Variants in TERF2 observed in about 807,000 individuals in gnomAD.
The protein encoded by TERF2 is telomeric repeat-binding factor 2.
In TERF2, 16 loss-of-function variants were observed where a neutral mutation model predicts 56.1. That is an observed-to-expected ratio of 0.29 (90% CI 0.19 to 0.43). TERF2 has a LOEUF of 0.43. TERF2 is among the 20% of genes least tolerant of loss of function. TERF2 has a pLI of 1.00. For missense variants in TERF2, 547 were observed against 712.9 expected (o/e 0.77, Z 2.65); for synonymous variants, 296 against 282.1 (o/e 1.05, Z -0.50).
At position 69,372,461 on chromosome 16, in the gene TERF2, T is replaced by G. The variant is rs1463784997; in HGVS notation, c.607-106A>C. The G allele has an allele frequency of 7.7e-6, 6 of 777,224 alleles. No homozygotes were observed. The East Asian group carries it at 1.7e-4, about 22-fold the overall frequency. 48.1% of individuals were successfully genotyped at this position (777,224 alleles called of 1,614,324 possible). A position where few individuals can be genotyped will look rare whatever the true frequency, so the allele number is the denominator to read the frequency against. On this transcript the variant is annotated intron_variant, in intron 3 of 9. Transcript: ENST00000254942. ...CTCACATCATATCAAATTTCTGTAC[T>G]TAAAAACTAACAATTATAAAGCCAG...
At chr16:69,382,910 C>T (rs2014056240) in intron 3 of TERF2, among the ~76,000 whole-genome samples, 2 of 152,082 alleles carry the variant, frequency 1.3e-5, no homozygotes, top group South Asian at 4.1e-4. Flanking sequence ...ACTTGTTACA[C>T]TGCAGTAACA....
At chr16:69,370,395 C>A in intron 5 of TERF2, 88 bp downstream of exon 5, 1 of 1,513,532 alleles carries the variant, frequency 6.6e-7, no homozygotes, top group Admixed American at 2.2e-5. Flanking sequence ...GTCTTTTTCA[C>A]ACATCAACTC....
At position 69,385,383 on chromosome 16, in the gene TERF2, A is replaced by C; in HGVS notation, c.475+8T>G. On this transcript the variant is annotated splice_region_variant and intron_variant, in intron 2 of 9. Coordinates refer to ENST00000254942, the MANE Select transcript of TERF2 (RefSeq NM_005652.5). ...TAAGCCCAGAGAAGAACACAAAAATAGCCATACCTAAATTTTCCCCTTCTT... is the reference window on the plus strand; with the variant it reads ...TAAGCCCAGAGAAGAACACAAAAATCGCCATACCTAAATTTTCCCCTTCTT... 1 of 1,612,090 alleles carries C rather than the reference A, an allele frequency of 6.2e-7. No individual in the cohort carries two copies. Among genetic ancestry groups the C allele is most frequent in the African/African-American group, 1.3e-5 (1 of 74,978 alleles).
intron 3 of TERF2, among the ~76,000 whole-genome samples, chr16:69,380,854 T>A (rs1240361960): frequency 6.7e-6 from 1 of 148,878 alleles, no homozygotes; most frequent in African/African-American, 2.5e-5. Flanking sequence ...CAGGCTGGAG[T>A]GCAGTGGTGT....
chr16:69,373,266 A>G (rs545422369), intron 3 of TERF2, among the ~76,000 whole-genome samples: 3 of 152,298 alleles, frequency 2.0e-5, no homozygotes, highest in African/African-American at 7.2e-5. Context: ...TAAAAAGGGC[A>G]AAGTTCCAGG....
intron 9 of TERF2, 137 bp downstream of exon 9, chr16:69,357,381 T>G: frequency 2.8e-6 from 2 of 721,234 alleles, no homozygotes; most frequent in Non-Finnish European, 4.7e-6. Context: ...TTACTTTAAC[T>G]TAGTTTGGAT....
intron 7 of TERF2, among the ~76,000 whole-genome samples, chr16:69,362,654 A>T (rs2013188846): frequency 6.6e-6 from 1 of 152,172 alleles, no homozygotes; most frequent in African/African-American, 2.4e-5. Flanking sequence ...GCTGAAAATA[A>T]CCCCAAACTC....
intron 5 of TERF2, chr16:69,370,187 C>T (rs539555791): frequency 3.2e-5 from 12 of 378,390 alleles, no homozygotes; most frequent in East Asian, 1.2e-4. Context: ...CCTGCCACCA[C>T]GCCCAGCTAA....
At chr16:69,381,492 T>TC (rs1445288101) in intron 3 of TERF2, among the ~76,000 whole-genome samples, 1 of 151,882 alleles carries the variant, frequency 6.6e-6, no homozygotes, top group Non-Finnish European at 1.5e-5. Context: ...TTTTTTTTTT[T>TC]CTTTTTTGAC....
chr16:69,358,174 G>C (rs2012990694), intron 8 of TERF2, among the ~76,000 whole-genome samples: 1 of 152,110 alleles, frequency 6.6e-6, no homozygotes, highest in African/African-American at 2.4e-5. Flanking sequence ...CACTACGCCC[G>C]GCTAATTTTT....
intron 3 of TERF2, among the ~76,000 whole-genome samples, chr16:69,373,040 A>C (rs993358427): frequency 3.3e-5 from 5 of 152,052 alleles, no homozygotes; most frequent in Non-Finnish European, 5.9e-5. Context: ...TTAAAGCAAG[A>C]GGGGGATGAG....
chr16:69,364,271 T>C (rs116492489), intron 7 of TERF2, among the ~76,000 whole-genome samples: 1,641 of 152,178 alleles, frequency 0.011, 31 homozygotes, highest in African/African-American at 0.038. Context: ...CCCTCCCTGC[T>C]CCCTGGCAGC....
intron 2 of TERF2, 114 bp downstream of exon 2, chr16:69,385,277 C>G: frequency 1.1e-6 from 1 of 884,258 alleles, no homozygotes; most frequent in Non-Finnish European, 1.8e-6. Flanking sequence ...ATGAAAAAGA[C>G]CACTCTGATG....
Position 69,356,799 on chromosome 16 carries a change from CAAA to C in TERF2, c.*96_*98del, listed in dbSNP as rs372147187. 6,111 of 1,028,178 alleles carry C rather than the reference CAAA, an allele frequency of 5.9e-3. No homozygotes were observed. Among genetic ancestry groups the C allele is most frequent in the South Asian group, 9.6e-3 (514 of 53,310 alleles). The allele number at this position is 1,028,178 out of a possible 1,614,324, so 63.7% of individuals were successfully genotyped here. A position where few individuals can be genotyped will look rare whatever the true frequency, so the allele number is the denominator to read the frequency against. ...TGGGTGACAGAGCGAGACTCTGTCTCAAAAAAAAAAAAAAAAGAAAAAGAAAGA... is the reference window on the plus strand; with the variant it reads ...TGGGTGACAGAGCGAGACTCTGTCTCAAAAAAAAAAAAAGAAAAAGAAAGA... On this transcript the variant is annotated 3_prime_UTR_variant, in exon 10 of 10. Coordinates refer to ENST00000254942, the MANE Select transcript of TERF2 (RefSeq NM_005652.5).
intron 7 of TERF2, among the ~76,000 whole-genome samples, chr16:69,364,731 T>C (rs1243386585): frequency 6.6e-6 from 1 of 152,170 alleles, no homozygotes; most frequent in African/African-American, 2.4e-5. Context: ...GCTCAATGTT[T>C]GTTCCTCTAT....
intron 3 of TERF2, among the ~76,000 whole-genome samples, chr16:69,372,568 G>T (rs1042914687): frequency 6.6e-6 from 1 of 152,086 alleles, no homozygotes; most frequent in African/African-American, 2.4e-5. Flanking sequence ...TTCGAGACCA[G>T]CCTGACCAAC....
chr16:69,378,954 G>A (rs570684429), intron 3 of TERF2, among the ~76,000 whole-genome samples: 1 of 150,972 alleles, frequency 6.6e-6, no homozygotes, highest in East Asian at 1.9e-4. Flanking sequence ...TTCCTGTGGG[G>A]GGGGGGAAAT....
chr16:69,363,274 C>T (rs935420315), intron 7 of TERF2, among the ~76,000 whole-genome samples: 3 of 152,202 alleles, frequency 2.0e-5, no homozygotes, highest in African/African-American at 7.2e-5. Flanking sequence ...CCAGCTGGTC[C>T]GTCATGTTCC....
chr16:69,381,502 C>T (rs1416692597), intron 3 of TERF2, among the ~76,000 whole-genome samples: 2 of 149,212 alleles, frequency 1.3e-5, no homozygotes, highest in Non-Finnish European at 3.0e-5. Flanking sequence ...TCTTTTTTGA[C>T]AGGGTCTTCA....
Sources: allele counts gnomAD v4.1 joint callset (sites outside exome capture counted in the v4.1 genomes callset), GRCh38; gene constraint gnomAD v4.1.1; transcripts MANE v1.5; gene names NCBI Gene and HGNC (gene_info 2026-07-23, HGNC 2026-07-21).